The following PPA1 variants were observed in gnomAD, a reference collection of about 807,000 sequenced individuals.
The protein encoded by PPA1 is inorganic pyrophosphatase.
Under a neutral mutation model 41.8 loss-of-function variants are expected in PPA1, and 23 were observed. The ratio of observed to expected loss-of-function variants is 0.55; its 90% confidence interval spans 0.40 to 0.78. The LOEUF is 0.78. Among genes scored for constraint, PPA1 ranks in the 30% least tolerant of loss-of-function variants. The pLI is 0.00. For missense variants in PPA1, 320 were observed against 361.6 expected, an observed-to-expected ratio of 0.89 and a Z score of 0.93; for synonymous variants, 101 against 116.8, an observed-to-expected ratio of 0.86 and a Z score of 0.87.
At chr10:70,210,436 A>G (rs1840003893) in intron 6 of PPA1, 1 of 1,363,570 alleles carries the variant, frequency 7.3e-7, no homozygotes, top group South Asian at 1.1e-5. Context: ...GATAAGAAAA[A>G]TAGATTAGAT....
Position 70,212,823 on chromosome 10 carries a change from C to CA in PPA1, c.511+639dup, listed in dbSNP as rs59163604. ...TTTTATGTTATGTAAAATTTACCAC[C>CA]AAAAAAAAAAAAAAAGGGAATGAAG... On this transcript the variant is annotated intron_variant, in intron 6 of 10. Coordinates refer to ENST00000373232, the MANE Select transcript of PPA1 (RefSeq NM_021129.4). Among the ~76,000 whole-genome samples the CA allele has an allele frequency of 3.8e-3, 476 of 124,092 alleles. 1 individual carries two copies. Among genetic ancestry groups the CA allele is most frequent in the African/African-American group, 6.7e-3 (240 of 35,556 alleles). 81.4% of individuals were successfully genotyped at this position (124,092 alleles called of 152,430 possible). A position where few individuals can be genotyped will look rare whatever the true frequency, so the allele number is the denominator to read the frequency against.
intron 1 of PPA1, 47 bp from the exon 2 acceptor site, chr10:70,230,446 C>T (rs778964521): frequency 9.4e-5 from 143 of 1,524,792 alleles, no homozygotes; most frequent in Non-Finnish European, 1.3e-4. Flanking sequence ...AATTGTATTG[C>T]TAAATGCCCA....
chr10:70,211,612 T>G (rs1840020413), intron 6 of PPA1, among the ~76,000 whole-genome samples: 1 of 152,108 alleles, frequency 6.6e-6, no homozygotes, highest in Non-Finnish European at 1.5e-5. Flanking sequence ...AGACACTGCC[T>G]TAGGTTGACA....
intron 2 of PPA1, among the ~76,000 whole-genome samples, chr10:70,226,381 G>A (rs1056130931): frequency 2.0e-5 from 3 of 151,808 alleles, no homozygotes; most frequent in South Asian, 2.1e-4. Flanking sequence ...CGAGACCAGC[G>A]AAAGCCTGTC....
chr10:70,206,026 A>G (rs577565045), intron 9 of PPA1: 10 of 483,416 alleles, frequency 2.1e-5, no homozygotes, highest in Admixed American at 6.5e-5. Context: ...GATTTTTACA[A>G]ATCTTACTAC....
chr10:70,233,236 G>C, intron 1 of PPA1, 28 bp downstream of exon 1: 1 of 1,528,142 alleles, frequency 6.5e-7, no homozygotes, highest in Non-Finnish European at 8.8e-7. Context: ...GGACGGGCGC[G>C]GAGGGGCCAC....
At chr10:70,232,803 C>T (rs941519678) in intron 1 of PPA1, among the ~76,000 whole-genome samples, 3 of 152,082 alleles carry the variant, frequency 2.0e-5, no homozygotes, top group South Asian at 2.1e-4. Context: ...CTCCGCTCAG[C>T]GCCGATAATC....
chr10:70,231,229 C>T (rs1840286783), intron 1 of PPA1, among the ~76,000 whole-genome samples: 2 of 152,200 alleles, frequency 1.3e-5, no homozygotes, highest in Admixed American at 1.3e-4. Flanking sequence ...CTTCAGTATT[C>T]TTTAGGAAAC....
chr10:70,225,370 A>T (rs763720385), intron 2 of PPA1, among the ~76,000 whole-genome samples: 1 of 151,186 alleles, frequency 6.6e-6, no homozygotes, highest in African/African-American at 2.4e-5. Context: ...CACCACACCC[A>T]GCTAATTTTT....
At chr10:70,210,010 T>C (rs1839998641) in intron 6 of PPA1, 2 of 327,066 alleles carry the variant, frequency 6.1e-6, no homozygotes, top group Admixed American at 9.9e-5. Context: ...GGCTACATAA[T>C]GAAACAACCA....
rs1416038490 is a variant in PPA1 at position 70,222,358 on chromosome 10, A to G, written c.124-3541T>C. ...CTCAAAAAAAAAAAAAAAAAAAAAA[A>G]AGAAATTAGCTGGGCGAAAAACAAC... On this transcript the variant is annotated intron_variant, in intron 2 of 10. Transcript: ENST00000373232. Among the ~76,000 whole-genome samples, 3 of 151,206 alleles carry G rather than the reference A, an allele frequency of 2.0e-5. No homozygotes were observed. In the East Asian group the frequency reaches 5.8e-4, roughly 29 times the overall value.
chr10:70,220,972 T>C (rs1840151059), intron 2 of PPA1, among the ~76,000 whole-genome samples: 3 of 41,530 alleles, frequency 7.2e-5, no homozygotes, highest in Non-Finnish European at 1.2e-4. Flanking sequence ...ATAATTTTTA[T>C]ATATATACTA....
At chr10:70,204,807 A>T (rs1335213137) in intron 10 of PPA1, 66 bp downstream of exon 10, 3 of 1,278,428 alleles carry the variant, frequency 2.3e-6, no homozygotes, top group Non-Finnish European at 3.3e-6. Context: ...ACTAAAAATA[A>T]AAGTAACATA....
At chr10:70,208,349 T>C (rs1839972062) in intron 8 of PPA1, among the ~76,000 whole-genome samples, 1 of 152,152 alleles carries the variant, frequency 6.6e-6, no homozygotes, top group Admixed American at 6.6e-5. Flanking sequence ...TCCTTTTTTT[T>C]TTCTTTTGAG....
chr10:70,219,345 C>T (rs974255182), intron 2 of PPA1, among the ~76,000 whole-genome samples: 2 of 152,190 alleles, frequency 1.3e-5, no homozygotes, highest in Non-Finnish European at 2.9e-5. Flanking sequence ...AGACCATCTT[C>T]AAAACACTCT....
At chr10:70,206,561 T>C (rs1445681435) in intron 8 of PPA1, among the ~76,000 whole-genome samples, 2 of 152,066 alleles carry the variant, frequency 1.3e-5, no homozygotes, top group African/African-American at 2.4e-5. Context: ...GAAACTGAGA[T>C]TGGGCTAGGT....
rs188639454 is a variant in PPA1 at position 70,224,932 on chromosome 10, T to C, written c.123+5409A>G. On this transcript the variant is annotated intron_variant, in intron 2 of 10. Transcript: ENST00000373232. ...TTTTAGTAGAGACAGGGTTTCTCCA[T>C]GTTGGTCAGGCTGGTCTCGAGCTCC... 1.1e-3 allele frequency among the ~76,000 whole-genome samples: 164 copies of C among 152,214 alleles called. 3 individuals carry two copies. The highest frequency in any genetic ancestry group is 2.3e-3 in the South Asian group (11 of 4,820).
At position 70,222,132 on chromosome 10, in the gene PPA1, G is replaced by C. The variant is rs572882670; in HGVS notation, c.124-3315C>G. 2.6e-5 allele frequency among the ~76,000 whole-genome samples: 4 copies of C among 151,888 alleles called. 1 individual carries two copies. The highest frequency in any genetic ancestry group is 1.3e-4 in the Admixed American group (2 of 15,244). On this transcript the variant is annotated intron_variant, in intron 2 of 10. Coordinates refer to ENST00000373232, the MANE Select transcript of PPA1 (RefSeq NM_021129.4). ...GGGCGGATTATGAGGTCAGGAGATC[G>C]AGACCATCCTGGCTAACACAGTGAA...
At chr10:70,226,153 A>T (rs2136770014) in intron 2 of PPA1, among the ~76,000 whole-genome samples, 1 of 152,276 alleles carries the variant, frequency 6.6e-6, no homozygotes, top group East Asian at 1.9e-4. Flanking sequence ...TTTTAGTAAT[A>T]CTCATTTGTT....
Sources: gnomAD v4.1 joint callset for allele counts (sites outside exome capture counted in the v4.1 genomes callset) on GRCh38, gnomAD v4.1.1 for gene constraint, MANE v1.5 for transcripts, NCBI Gene and HGNC (gene_info 2026-07-23, HGNC 2026-07-21) for gene names.